PIEZO2: variants seen among roughly 807,000 people sequenced by gnomAD.
The protein encoded by PIEZO2 is piezo type mechanosensitive ion channel component 2, also known as piezo-type mechanosensitive ion channel component 2.
A neutral mutation model predicts 337.3 loss-of-function variants in PIEZO2; 172 were observed. The ratio of observed to expected loss-of-function variants is 0.51; its 90% CI spans 0.45 to 0.58. PIEZO2 has a LOEUF of 0.58. Among genes scored for constraint, PIEZO2 ranks in the 20% least tolerant of loss-of-function variants. The probability of loss-of-function intolerance (pLI) is 0.00; values close to 1 mark genes in which losing one functional copy is unlikely to be tolerated. For synonymous variants in PIEZO2, 1,251 were observed against 1,228.5 expected, an observed-to-expected ratio of 1.02 and a Z score of -0.38; for missense variants, 3,028 against 3,391.3, an observed-to-expected ratio of 0.89 and a Z score of 2.66.
At chr18:10,720,234 G>GCGTGTATATATATATATATATATATATA (rs1555631512) in intron 36 of PIEZO2, among the ~76,000 whole-genome samples, 9 of 119,904 alleles carry the variant, frequency 7.5e-5, no homozygotes, top group African/African-American at 3.0e-4. Flanking sequence ...GTGTGTGTGT[G>GCGTGTATATATATATATATATATATATA]TATATATATA....
At chr18:11,022,604 G>A (rs142943338) in intron 2 of PIEZO2, among the ~76,000 whole-genome samples, 2 of 152,250 alleles carry the variant, frequency 1.3e-5, no homozygotes, top group African/African-American at 2.4e-5. Context: ...ACTGGATTAG[G>A]GCTCTATGCT....
At chr18:11,135,733 A>G (rs766605673) in intron 1 of PIEZO2, among the ~76,000 whole-genome samples, 2 of 152,160 alleles carry the variant, frequency 1.3e-5, no homozygotes, top group Non-Finnish European at 2.9e-5. Context: ...TTTTTAGTAG[A>G]AACAGGGTTT....
At chr18:10,995,884 G>A (rs1362328763) in intron 2 of PIEZO2, among the ~76,000 whole-genome samples, 2 of 151,946 alleles carry the variant, frequency 1.3e-5, no homozygotes, top group Non-Finnish European at 2.9e-5. Flanking sequence ...ATGAATCTAG[G>A]GCTGAGAAGC....
chr18:10,983,947 C>A (rs568218935), intron 2 of PIEZO2, among the ~76,000 whole-genome samples: 1 of 152,190 alleles, frequency 6.6e-6, no homozygotes, highest in South Asian at 2.1e-4. Flanking sequence ...AGAGAAGGCA[C>A]ACAATCCTAA....
At position 10,834,492 on chromosome 18, in the gene PIEZO2, T is replaced by C. The variant is rs371854973; in HGVS notation, c.917+20861A>G. On this transcript the variant is annotated intron_variant, in intron 7 of 55. Transcript: ENST00000674853. This position sits in a 1 kb window ranked among gnomAD's most constrained non-coding sequence, Gnocchi z 4.5. The stretch of plus-strand genomic sequence containing the variant: ...CCCACTCTGTGATGCAGGTGCCGGC[T>C]TCCCCTTTAATCCCTCATGATGGAG... Among the ~76,000 whole-genome samples the C allele has an allele frequency of 1.4e-3, 213 of 152,338 alleles. 2 individuals are homozygous for C. The South Asian group carries it at 0.021, about 15-fold the overall frequency.
rs140387454 is a variant in PIEZO2 at position 10,942,086 on chromosome 18, G to T, written c.287-30858C>A. Among the ~76,000 whole-genome samples the T allele has an allele frequency of 6.6e-6, 1 of 152,340 alleles. No homozygotes were observed. The highest frequency in any genetic ancestry group is 1.5e-5 in the Non-Finnish European group (1 of 68,038). ...CGGCCACGATCGTGAGGCCTCTCCA[G>T]CCATGTGGAACTGTAAGTCCAATAA... is the stretch of plus-strand genomic sequence containing the variant. On this transcript the variant is annotated intron_variant, in intron 3 of 55. Transcript: ENST00000674853. The surrounding 1 kb of genome is among the most constrained non-coding windows in gnomAD (Gnocchi z 4.4).
At chr18:10,950,456 C>G (rs141521401) in intron 3 of PIEZO2, among the ~76,000 whole-genome samples, 2 of 152,288 alleles carry the variant, frequency 1.3e-5, no homozygotes, top group Admixed American at 6.5e-5. Context: ...AATCTACACT[C>G]GCAAAAACTA....
intron 3 of PIEZO2, among the ~76,000 whole-genome samples, chr18:10,970,104 C>T (rs2034174066): frequency 6.6e-6 from 1 of 152,174 alleles, no homozygotes; most frequent in Non-Finnish European, 1.5e-5. Flanking sequence ...AGTTTAATGA[C>T]TGATACTCTG....
chr18:11,088,001 T>C (rs2038962514), intron 1 of PIEZO2, among the ~76,000 whole-genome samples: 1 of 152,262 alleles, frequency 6.6e-6, no homozygotes, highest in South Asian at 2.1e-4. Context: ...CACTCACATA[T>C]ATCCTTCAAG....
chr18:10,865,255 A>G (rs968975904), intron 5 of PIEZO2, among the ~76,000 whole-genome samples: 5 of 152,214 alleles, frequency 3.3e-5, no homozygotes, highest in African/African-American at 1.2e-4. Context: ...GGGAAACCAA[A>G]GAAGTGTTTT....
chr18:10,767,746 C>T lies in PIEZO2; in HGVS notation c.2946+2402G>A, dbSNP rs746876465. Among the ~76,000 whole-genome samples, 2 of 152,186 alleles carry T rather than the reference C, an allele frequency of 1.3e-5. No homozygotes were observed. Among genetic ancestry groups the T allele is most frequent in the African/African-American group, 2.4e-5 (1 of 41,446 alleles). On this transcript the variant is annotated intron_variant, in intron 21 of 55. Coordinates refer to ENST00000674853, the MANE Select transcript of PIEZO2 (RefSeq NM_001378183.1). This position sits in a 1 kb window ranked among gnomAD's most constrained non-coding sequence, Gnocchi z 4.2. ...GGGAGGCACAGAGCACCCAGAGCTG[C>T]TCCAAGGCTGCGGGGAAGGCTGTCT...
chr18:10,775,755 G>A lies in PIEZO2; in HGVS notation c.2535-1717C>T, dbSNP rs2038760901. On this transcript the variant is annotated intron_variant, in intron 18 of 55. Coordinates refer to ENST00000674853, the MANE Select transcript of PIEZO2 (RefSeq NM_001378183.1). The surrounding 1 kb of genome is among the most constrained non-coding windows in gnomAD (Gnocchi z 4.3). ...AGCCTTTTGGAAGTAGGTCCACAAG[G>A]CTGATTTCTAGAAACTTGTAATGGG... 6.6e-6 allele frequency among the ~76,000 whole-genome samples: 1 copy of A among 152,096 alleles called. No individual in the cohort carries two copies. The highest frequency in any genetic ancestry group is 2.1e-4 in the South Asian group (1 of 4,816).
Position 10,855,135 on chromosome 18 carries a change from G to A in PIEZO2, c.917+218C>T, listed in dbSNP as rs761088466. Reference sequence around the variant, plus strand: ...GCTCCCTGTCCTCCTGCATCCCAGCGGCATCTCCATCTGAAGAGACCACTG... The same window carrying A: ...GCTCCCTGTCCTCCTGCATCCCAGCAGCATCTCCATCTGAAGAGACCACTG... On this transcript the variant is annotated intron_variant, in intron 7 of 55. Transcript: ENST00000674853. The surrounding 1 kb of genome is among the most constrained non-coding windows in gnomAD (Gnocchi z 4.9). Among the ~76,000 whole-genome samples, 19 of 151,960 alleles carry A rather than the reference G, an allele frequency of 1.3e-4. No individual in the cohort carries two copies. The highest frequency in any genetic ancestry group is 2.5e-4 in the Non-Finnish European group (17 of 68,002).
intron 3 of PIEZO2, among the ~76,000 whole-genome samples, chr18:10,912,959 T>C (rs1008299914): frequency 2.2e-4 from 33 of 151,624 alleles, no homozygotes; most frequent in Admixed American, 1.3e-4. Context: ...TTTTGCTGAG[T>C]AGGAGTAAAA....
In PIEZO2 at chr18:10,714,809, G is replaced by C. The variant is rs186065260; in HGVS notation, c.5378C>G (p.Thr1793Arg). The C allele has an allele frequency of 9.5e-4, 1,464 of 1,537,226 alleles. 14 individuals are homozygous for C. Among genetic ancestry groups the C allele is most frequent in the Non-Finnish European group, 1.8e-4 (208 of 1,146,896 alleles). ...EHPGAASGAQ[T>R]AHRMDSLDSH... Reference sequence around the variant, plus strand: ...ATCTAAACTATCCATCCTGTGGGCTGTCTGTGCACCTGAAGCAGCTCCGGG... The same window carrying C: ...ATCTAAACTATCCATCCTGTGGGCTCTCTGTGCACCTGAAGCAGCTCCGGG... Residue 1793 changes from threonine to arginine, a missense_variant, in exon 39 of 56, where the codon ACA (threonine) becomes AGA (arginine). Coordinates refer to ENST00000674853, the MANE Select transcript of PIEZO2 (RefSeq NM_001378183.1).
At position 10,724,500 on chromosome 18, in the gene PIEZO2, C is replaced by T. The variant is rs1314534651; in HGVS notation, c.5030-6241G>A. ...ACCAAAGGCAATGCGGAGTACAGGG[C>T]CTGCTGGTCCTCTGGTCACACCCAC... On this transcript the variant is annotated intron_variant, in intron 36 of 55. Coordinates refer to ENST00000674853, the MANE Select transcript of PIEZO2 (RefSeq NM_001378183.1). The surrounding 1 kb of genome is among the most constrained non-coding windows in gnomAD (Gnocchi z 5.8). The T allele has an allele frequency of 2.1e-5, 9 of 435,536 alleles. No individual in the cohort carries two copies. Among genetic ancestry groups the T allele is most frequent in the Admixed American group, 4.1e-5 (1 of 24,600 alleles). 27.0% of individuals were successfully genotyped at this position (435,536 alleles called of 1,614,324 possible).
chr18:10,706,863 T>C (rs758303179), intron 40 of PIEZO2, among the ~76,000 whole-genome samples: 9 of 152,168 alleles, frequency 5.9e-5, no homozygotes, highest in Non-Finnish European at 1.0e-4. Context: ...CTTATCTGAA[T>C]GGCACGTGTG....
intron 21 of PIEZO2, 107 bp from the exon 22 acceptor site, chr18:10,763,205 A>T: frequency 8.0e-7 from 1 of 1,246,842 alleles, no homozygotes; most frequent in Admixed American, 2.3e-5. Context: ...GCAAAAGCAG[A>T]CTGGATTCCT....
intron 2 of PIEZO2, among the ~76,000 whole-genome samples, chr18:11,055,864 G>A (rs1310170507): frequency 6.6e-6 from 1 of 152,172 alleles, no homozygotes; most frequent in Non-Finnish European, 1.5e-5. Flanking sequence ...CCTTCGCTGG[G>A]TGTGATAGCC....
Sources: allele counts gnomAD v4.1 joint callset (sites outside exome capture counted in the v4.1 genomes callset), GRCh38; gene constraint gnomAD v4.1.1; non-coding constraint Gnocchi (gnomAD v3.1); transcripts MANE v1.5; gene names NCBI Gene and HGNC (gene_info 2026-07-23, HGNC 2026-07-21).